Variants in ARHGEF3 observed in about 807,000 individuals in gnomAD.
ARHGEF3 encodes the protein 59.8 kDA protein.
ARHGEF3 carries 28 observed loss-of-function variants against 63.2 expected under a neutral mutation model. The ratio of observed to expected loss-of-function variants is 0.44; its 90% CI spans 0.33 to 0.61. The LOEUF is 0.61. Ranked by LOEUF, ARHGEF3 falls within the 20% of genes least tolerant of loss-of-function variation. The pLI is 0.03. For synonymous variants in ARHGEF3, 266 were observed against 254.2 expected (o/e 1.05, Z -0.44); for missense variants, 533 against 659.3 (o/e 0.81, Z 2.10).
chr3:57,077,315 T>C (rs900989471), intron 1 of ARHGEF3, among the ~76,000 whole-genome samples: 1 of 126,620 alleles, frequency 7.9e-6, no homozygotes, highest in Admixed American at 9.2e-5. Context: ...AATTGAGATG[T>C]AACGGGGCAA....
At chr3:57,005,976 G>A (rs532718073) in intron 2 of ARHGEF3, among the ~76,000 whole-genome samples, 43 of 152,230 alleles carry the variant, frequency 2.8e-4, no homozygotes, top group African/African-American at 8.9e-4. Flanking sequence ...AGTGACAAAC[G>A]CATATGACAA....
At chr3:57,052,820 G>C (rs902558711) in intron 1 of ARHGEF3, among the ~76,000 whole-genome samples, 1 of 152,182 alleles carries the variant, frequency 6.6e-6, no homozygotes, top group Non-Finnish European at 1.5e-5. Context: ...CCCAGCAGGA[G>C]TACCCAAGCA....
intron 4 of ARHGEF3, among the ~76,000 whole-genome samples, chr3:56,815,090 G>A (rs188836022): frequency 6.6e-6 from 1 of 151,846 alleles, no homozygotes; most frequent in Admixed American, 6.6e-5. Flanking sequence ...GCTGCAGTGA[G>A]CTATGATCGT....
At chr3:57,042,558 C>G (rs916526007) in intron 1 of ARHGEF3, among the ~76,000 whole-genome samples, 67 of 149,584 alleles carry the variant, frequency 4.5e-4, no homozygotes, top group African/African-American at 1.6e-3. Flanking sequence ...CCATGGAAAT[C>G]AGAAAATGCG....
chr3:57,002,462 C>CTATATATATATATGT (rs1702241266), intron 2 of ARHGEF3, among the ~76,000 whole-genome samples: 2 of 38,686 alleles, frequency 5.2e-5, no homozygotes, highest in African/African-American at 1.1e-4. Flanking sequence ...GTTCTAAGCA[C>CTATATATATATATGT]TATATATATA....
chr3:57,001,366 G>A (rs1477307829), intron 2 of ARHGEF3, among the ~76,000 whole-genome samples: 1 of 152,222 alleles, frequency 6.6e-6, no homozygotes, highest in East Asian at 1.9e-4. Flanking sequence ...GCATTCTCCT[G>A]TGGATGAACA....
chr3:56,869,956 A>G (rs2040382173), intron 4 of ARHGEF3, among the ~76,000 whole-genome samples: 1 of 152,000 alleles, frequency 6.6e-6, no homozygotes, highest in African/African-American at 2.4e-5. Context: ...TAAATTCACA[A>G]CTACAATTTA....
At chr3:57,059,502 G>T (rs1705105305) in intron 1 of ARHGEF3, among the ~76,000 whole-genome samples, 1 of 128,640 alleles carries the variant, frequency 7.8e-6, no homozygotes, top group African/African-American at 2.8e-5. Flanking sequence ...GTGTGTGTAT[G>T]AGTTGGGGGT....
At chr3:57,041,431 G>A (rs1157279632) in intron 1 of ARHGEF3, among the ~76,000 whole-genome samples, 1 of 152,176 alleles carries the variant, frequency 6.6e-6, no homozygotes, top group Non-Finnish European at 1.5e-5. Flanking sequence ...TCTGATTCCA[G>A]AGCCCATGCT....
chr3:56,763,745 T>G (rs915655514), intron 2 of ARHGEF3, among the ~76,000 whole-genome samples: 8 of 152,092 alleles, frequency 5.3e-5, no homozygotes, highest in Non-Finnish European at 8.8e-5. Flanking sequence ...GATTTTATTT[T>G]ATTTTTTTTT....
intron 1 of ARHGEF3, among the ~76,000 whole-genome samples, chr3:57,039,626 A>G (rs1380633654): frequency 5.9e-5 from 9 of 152,188 alleles, no homozygotes; most frequent in African/African-American, 1.7e-4. Context: ...TTCCTCCTGG[A>G]CGTTCTAGAG....
At chr3:56,751,188 G>A in intron 5 of ARHGEF3, 56 bp from the exon 6 acceptor site, 2 of 1,584,640 alleles carry the variant, frequency 1.3e-6, no homozygotes, top group Non-Finnish European at 1.7e-6. Context: ...GAACAGGGCT[G>A]GAAGTAGGTT....
chr3:56,853,208 G>A (rs2039738636), intron 4 of ARHGEF3, among the ~76,000 whole-genome samples: 1 of 152,156 alleles, frequency 6.6e-6, no homozygotes, highest in Non-Finnish European at 1.5e-5. Context: ...ATCTGGGGTG[G>A]TGACAAGCCA....
chr3:56,810,150 A>G (rs1221370043), intron 4 of ARHGEF3, among the ~76,000 whole-genome samples: 2 of 152,134 alleles, frequency 1.3e-5, no homozygotes, highest in African/African-American at 2.4e-5. Context: ...CCAGCTTTGG[A>G]TATTAGAGGT....
intron 2 of ARHGEF3, among the ~76,000 whole-genome samples, chr3:57,004,778 C>T (rs1474706318): frequency 6.6e-6 from 1 of 152,144 alleles, no homozygotes; most frequent in Non-Finnish European, 1.5e-5. Context: ...CCAGCCTAGG[C>T]AACATAGTGA....
In ARHGEF3 at chr3:56,925,215, A is replaced by G. The variant is rs970546835; in HGVS notation, c.129+33608T>C. On this transcript the variant is annotated intron_variant, in intron 3 of 12. Coordinates refer to the ARHGEF3 transcript ENST00000338458. ...TGGGTAGCCACAGCCTACAACCAGC[A>G]TTGGTGGTGCAAGCCATGGCGTCTA... Among the ~76,000 whole-genome samples the G allele has an allele frequency of 2.0e-5, 3 of 152,234 alleles. No individual in the cohort carries two copies. In the South Asian group the frequency reaches 6.2e-4, roughly 31 times the overall value.
chr3:57,032,804 C>T (rs1257187859), intron 2 of ARHGEF3, among the ~76,000 whole-genome samples: 2 of 152,130 alleles, frequency 1.3e-5, no homozygotes, highest in Non-Finnish European at 2.9e-5. Flanking sequence ...CAGATGATCC[C>T]GGGCTGGACT....
chr3:57,057,647 A>G (rs1480481598), intron 1 of ARHGEF3, among the ~76,000 whole-genome samples: 2 of 152,238 alleles, frequency 1.3e-5, no homozygotes, highest in East Asian at 3.9e-4. Flanking sequence ...TTAAAATGTA[A>G]AAGTTTAAAT....
At position 56,729,202 on chromosome 3, in the gene ARHGEF3, C is replaced by A; in HGVS notation, c.*68G>T. 1 of 1,408,960 alleles carries A rather than the reference C, an allele frequency of 7.1e-7. No homozygotes were observed. Among genetic ancestry groups the A allele is most frequent in the South Asian group, 1.4e-5 (1 of 72,938 alleles). The allele number at this position is 1,408,960 out of a possible 1,614,324, so 87.3% of individuals were successfully genotyped here. On this transcript the variant is annotated 3_prime_UTR_variant, in exon 10 of 10. Coordinates refer to ENST00000296315, the MANE Select transcript of ARHGEF3 (RefSeq NM_019555.3). ...TGAAAAAGTGCTTCTCCAAACCGTT[C>A]CATCTGTGGAATGCAAATACTGTAC...
Sources: allele counts gnomAD v4.1 joint callset (sites outside exome capture counted in the v4.1 genomes callset), GRCh38; gene constraint gnomAD v4.1.1; transcripts MANE v1.5; gene names NCBI Gene and HGNC (gene_info 2026-07-23, HGNC 2026-07-21).